CCDC171: variants seen among roughly 807,000 people sequenced by gnomAD.
CCDC171 encodes the protein coiled-coil domain-containing protein 171.
Under a neutral mutation model 168.2 loss-of-function variants are expected in CCDC171, and 177 were observed. That is an observed-to-expected ratio of 1.05 (90% CI 0.93 to 1.19). CCDC171 has a LOEUF of 1.19. Ranked by LOEUF, CCDC171 falls within the 50% of genes most tolerant of loss-of-function variation. The pLI, the probability that CCDC171 is intolerant of heterozygous loss-of-function variation, is 0.00. For missense variants in CCDC171, 1,991 were observed against 1,539.0 expected (o/e 1.29, Z -4.91); for synonymous variants, 687 against 540.8 (o/e 1.27, Z -3.75).
At chr9:16,058,465 T>C (rs542519372) in intron 1 of CCDC171, among the ~76,000 whole-genome samples, 2 of 152,172 alleles carry the variant, frequency 1.3e-5, no homozygotes, top group Admixed American at 6.5e-5. Flanking sequence ...CCCGTCCAGA[T>C]GTGTTTGTGA....
At chr9:16,106,517 C>T in the CCDC171 span, among the ~76,000 whole-genome samples, 1 of 152,192 alleles carries the variant, frequency 6.6e-6, no homozygotes, top group African/African-American at 2.4e-5. Flanking sequence ...CTCTCCAAAA[C>T]CCCAAAGGGT....
chr9:16,075,454 A>C, the CCDC171 span, among the ~76,000 whole-genome samples: 1 of 152,124 alleles, frequency 6.6e-6, no homozygotes, highest in Non-Finnish European at 1.5e-5. Flanking sequence ...GATCTGCTTC[A>C]TGTAGTGTAA....
intron 24 of CCDC171, among the ~76,000 whole-genome samples, chr9:15,878,456 A>C (rs775095193): frequency 6.6e-6 from 1 of 152,336 alleles, no homozygotes; most frequent in East Asian, 1.9e-4. Context: ...CAAAATGGCT[A>C]TTATTAAAAA....
intron 23 of CCDC171, among the ~76,000 whole-genome samples, chr9:15,853,292 A>G (rs756546265): frequency 2.6e-4 from 39 of 151,722 alleles, no homozygotes; most frequent in Non-Finnish European, 5.3e-4. Flanking sequence ...TAAGTTAGGC[A>G]TCTTCTTGGT....
At chr9:15,840,010 A>G (rs774366498) in intron 21 of CCDC171, among the ~76,000 whole-genome samples, 6 of 152,066 alleles carry the variant, frequency 3.9e-5, no homozygotes, top group African/African-American at 7.2e-5. Flanking sequence ...TTGAGTTGGT[A>G]TTTGATTTAC....
intron 25 of CCDC171, among the ~76,000 whole-genome samples, chr9:15,955,502 G>A (rs1829701325): frequency 6.6e-6 from 1 of 152,172 alleles, no homozygotes; most frequent in African/African-American, 2.4e-5. Context: ...TTATGTGCAA[G>A]CTGTTCCAAG....
intron 25 of CCDC171, among the ~76,000 whole-genome samples, chr9:15,939,470 A>G (rs1487983762): frequency 6.6e-6 from 1 of 151,912 alleles, no homozygotes; most frequent in Non-Finnish European, 1.5e-5. Flanking sequence ...GACATCAGGT[A>G]TATATAATGC....
intron 21 of CCDC171, among the ~76,000 whole-genome samples, chr9:15,822,469 A>G (rs1005036786): frequency 1.3e-5 from 2 of 152,112 alleles, no homozygotes; most frequent in Admixed American, 1.3e-4. Context: ...TCTACAATGA[A>G]CTCAAACAAA....
chr9:16,033,871 C>G (rs1833412784), intron 6 of CCDC171, among the ~76,000 whole-genome samples: 1 of 152,150 alleles, frequency 6.6e-6, no homozygotes, highest in Non-Finnish European at 1.5e-5. Context: ...GATCGGGTGG[C>G]AGGGCCCCAA....
intron 24 of CCDC171, among the ~76,000 whole-genome samples, chr9:15,903,874 C>T (rs935528878): frequency 2.0e-4 from 30 of 152,164 alleles, no homozygotes; most frequent in Admixed American, 7.9e-4. Flanking sequence ...AGGTACGTGA[C>T]GAATGCATAA....
chr9:15,736,964 T>A (rs2054538826), intron 16 of CCDC171, among the ~76,000 whole-genome samples: 1 of 152,178 alleles, frequency 6.6e-6, no homozygotes, highest in African/African-American at 2.4e-5. Flanking sequence ...AGAACTCACA[T>A]TTTTAAGTGA....
intron 5 of CCDC171, 140 bp from the exon 6 acceptor site, chr9:15,593,901 T>C: frequency 1.7e-6 from 1 of 604,140 alleles, no homozygotes. Context: ...AAATTATAGT[T>C]TTATTAATGA....
chr9:15,575,752 T>G (rs1443032593), intron 3 of CCDC171, among the ~76,000 whole-genome samples: 1 of 152,224 alleles, frequency 6.6e-6, no homozygotes, highest in African/African-American at 2.4e-5. Flanking sequence ...AGCAGCACTT[T>G]TGAGTATCAT....
chr9:15,683,315 T>C (rs576386443), intron 10 of CCDC171, among the ~76,000 whole-genome samples: 1 of 152,130 alleles, frequency 6.6e-6, no homozygotes, highest in East Asian at 1.9e-4. Context: ...TGGAAAGTGC[T>C]TTGATGGTTA....
chr9:15,772,088 C>T (rs754849007), intron 18 of CCDC171, among the ~76,000 whole-genome samples: 5 of 152,164 alleles, frequency 3.3e-5, no homozygotes, highest in Non-Finnish European at 7.4e-5. Context: ...CCAGCCTTGG[C>T]CACCCAAAGT....
intron 20 of CCDC171, among the ~76,000 whole-genome samples, chr9:15,782,712 T>C (rs2057729951): frequency 6.6e-6 from 1 of 152,162 alleles, no homozygotes; most frequent in Admixed American, 6.5e-5. Context: ...CATAGAGGGA[T>C]GTTAATAAAT....
At chr9:15,904,343 C>T (rs1218064032) in intron 24 of CCDC171, among the ~76,000 whole-genome samples, 1 of 152,186 alleles carries the variant, frequency 6.6e-6, no homozygotes, top group African/African-American at 2.4e-5. Context: ...AGAAACTCTA[C>T]AAGCCAGAAG....
chr9:15,657,330 A>G (rs1185143599), intron 8 of CCDC171, 111 bp downstream of exon 8: 6 of 624,810 alleles, frequency 9.6e-6, no homozygotes, highest in Non-Finnish European at 1.7e-5. Flanking sequence ...AATGGGTAAC[A>G]TATTGTTATG....
At chr9:15,661,859 C>T (rs2048348118) in intron 8 of CCDC171, among the ~76,000 whole-genome samples, 1 of 152,128 alleles carries the variant, frequency 6.6e-6, no homozygotes, top group Admixed American at 6.5e-5. Context: ...CCCAGATTTA[C>T]TGTTTGGCTT....
Sources: allele counts gnomAD v4.1 joint callset (sites outside exome capture counted in the v4.1 genomes callset), GRCh38; gene constraint gnomAD v4.1.1; transcripts MANE v1.5; gene names NCBI Gene and HGNC (gene_info 2026-07-23, HGNC 2026-07-21).